ANO2: variants seen among roughly 807,000 people sequenced by gnomAD.
The protein encoded by ANO2 is anoctamin-2.
In ANO2, 101 loss-of-function variants were observed where a neutral mutation model predicts 124.2. The ratio of observed to expected loss-of-function variants is 0.81; its 90% CI spans 0.69 to 0.96. The LOEUF (loss-of-function observed/expected upper bound fraction) is 0.96, where lower values mean the gene tolerates loss of function less well. Ranked by LOEUF, ANO2 falls within the 40% of genes least tolerant of loss-of-function variation. ANO2 has a pLI of 0.00. For missense variants in ANO2, 1,293 were observed against 1,274.5 expected, an observed-to-expected ratio of 1.01 and a Z score of -0.22; for synonymous variants, 486 against 482.5, an observed-to-expected ratio of 1.01 and a Z score of -0.09.
intron 9 of ANO2, among the ~76,000 whole-genome samples, chr12:5,801,571 G>A (rs1953039329): frequency 6.6e-6 from 1 of 152,204 alleles, no homozygotes; most frequent in Admixed American, 6.5e-5. Context: ...ATATTAAAAT[G>A]GAAATGAGAA....
chr12:5,765,474 G>C (rs1281222525), intron 10 of ANO2, among the ~76,000 whole-genome samples: 4 of 152,154 alleles, frequency 2.6e-5, no homozygotes, highest in African/African-American at 7.2e-5. Flanking sequence ...TTGTCTATGA[G>C]ATATTAGTCG....
At chr12:5,841,307 G>C (rs1323594455) in intron 4 of ANO2, among the ~76,000 whole-genome samples, 1 of 152,166 alleles carries the variant, frequency 6.6e-6, no homozygotes, top group Non-Finnish European at 1.5e-5. Context: ...GAGAACAGGG[G>C]CTGCCCATTC....
At chr12:5,654,085 A>T (rs1947047297) in intron 14 of ANO2, among the ~76,000 whole-genome samples, 1 of 152,226 alleles carries the variant, frequency 6.6e-6, no homozygotes, top group Admixed American at 6.5e-5. Context: ...AAGGATCAAA[A>T]ATCAGAACAG....
rs138425485 is a variant in ANO2 at position 5,592,492 on chromosome 12, C to T, written c.2233+6992G>A. 1.5e-4 allele frequency among the ~76,000 whole-genome samples: 23 copies of T among 152,218 alleles called. No homozygotes were observed. The East Asian group carries it at 3.3e-3, about 22-fold the overall frequency. ...AGATAACCAGATACACACACGCGGG[C>T]CTGCAAGAAGATGCAAAACAAGAGC... On this transcript the variant is annotated intron_variant, in intron 20 of 24. Transcript: ENST00000682330.
intron 3 of ANO2, among the ~76,000 whole-genome samples, chr12:5,879,968 A>T (rs944495217): frequency 1.3e-5 from 2 of 152,204 alleles, no homozygotes; most frequent in Non-Finnish European, 2.9e-5. Context: ...GGGCAAATCT[A>T]GAAAGAAGTT....
At chr12:5,596,053 A>G (rs1943643670) in intron 20 of ANO2, among the ~76,000 whole-genome samples, 1 of 152,244 alleles carries the variant, frequency 6.6e-6, no homozygotes, top group African/African-American at 2.4e-5. Context: ...AATCACACCT[A>G]TGTGAATCTA....
intron 3 of ANO2, among the ~76,000 whole-genome samples, chr12:5,914,232 G>A (rs572541434): frequency 9.9e-5 from 15 of 151,716 alleles, no homozygotes; most frequent in African/African-American, 2.4e-4. Context: ...AAAGTGAGGC[G>A]ACATTCTGAT....
chr12:5,828,551 A>C (rs1222056426), intron 6 of ANO2, among the ~76,000 whole-genome samples: 1 of 152,102 alleles, frequency 6.6e-6, no homozygotes, highest in Middle Eastern at 3.2e-3. Flanking sequence ...CATATCATAC[A>C]CTTCCTTGAA....
At chr12:5,914,070 T>G (rs559237402) in intron 3 of ANO2, among the ~76,000 whole-genome samples, 3 of 151,992 alleles carry the variant, frequency 2.0e-5, no homozygotes, top group Non-Finnish European at 2.9e-5. Context: ...CATGGTGTTG[T>G]GCACCTGTAA....
chr12:5,763,024 T>C (rs2137109931), intron 10 of ANO2, among the ~76,000 whole-genome samples: 1 of 152,154 alleles, frequency 6.6e-6, no homozygotes, highest in East Asian at 1.9e-4. Flanking sequence ...ATTGTCACTC[T>C]GGTTAAATGA....
intron 16 of ANO2, among the ~76,000 whole-genome samples, chr12:5,615,570 G>A (rs774105990): frequency 9.2e-5 from 14 of 152,006 alleles, no homozygotes; most frequent in Admixed American, 3.9e-4. Flanking sequence ...GTTTCACACC[G>A]CCCTCCTCAA....
rs1350463662 is a variant in ANO2 at position 5,658,445 on chromosome 12, TCATCAA to T, written c.1546-10650_1546-10645del. Among the ~76,000 whole-genome samples the T allele has an allele frequency of 2.2e-5, 2 of 92,962 alleles. No homozygotes were observed. Among genetic ancestry groups the T allele is most frequent in the East Asian group, 2.3e-3 (1 of 430 alleles). 61.0% of individuals were successfully genotyped at this position (92,962 alleles called of 152,430 possible). On this transcript the variant is annotated intron_variant, in intron 14 of 24. Coordinates refer to ENST00000682330, the MANE Select transcript of ANO2 (RefSeq NM_001364791.2). The surrounding 1 kb of genome is among the most constrained non-coding windows in gnomAD (Gnocchi z 4.3). ...AACCATACCATCAAAATTAACATAA[TCATCAA>T]CATCATCATCATATCATCACTATCA...
chr12:5,882,509 C>T (rs1403270511), intron 3 of ANO2, among the ~76,000 whole-genome samples: 4 of 152,212 alleles, frequency 2.6e-5, no homozygotes, highest in African/African-American at 9.6e-5. Context: ...AGGGACAGAG[C>T]CAGCTTCAGG....
chr12:5,713,839 G>A (rs906237942), intron 14 of ANO2, among the ~76,000 whole-genome samples: 3 of 152,202 alleles, frequency 2.0e-5, no homozygotes, highest in African/African-American at 7.2e-5. Flanking sequence ...TGAGGGGAAC[G>A]AGTGTTCCCA....
At chr12:5,694,011 T>C (rs1003869407) in intron 14 of ANO2, among the ~76,000 whole-genome samples, 1 of 152,158 alleles carries the variant, frequency 6.6e-6, no homozygotes, top group Non-Finnish European at 1.5e-5. Flanking sequence ...TGTATCTTCT[T>C]ACTAGACTGC....
At chr12:5,697,234 C>T (rs1408584309) in intron 14 of ANO2, among the ~76,000 whole-genome samples, 1 of 152,038 alleles carries the variant, frequency 6.6e-6, no homozygotes, top group Non-Finnish European at 1.5e-5. Context: ...GAGATCAAGA[C>T]CATCCTGGCC....
At chr12:5,874,174 T>G (rs1044046332) in intron 3 of ANO2, among the ~76,000 whole-genome samples, 1 of 152,062 alleles carries the variant, frequency 6.6e-6, no homozygotes, top group African/African-American at 2.4e-5. Context: ...TACAGAAAAT[T>G]TACAAAAGAG....
At chr12:5,808,814 G>T (rs947732364) in intron 7 of ANO2, among the ~76,000 whole-genome samples, 2 of 152,034 alleles carry the variant, frequency 1.3e-5, no homozygotes, top group African/African-American at 4.8e-5. Flanking sequence ...TCAGAGACCC[G>T]CAGAGGATCT....
intron 14 of ANO2, among the ~76,000 whole-genome samples, chr12:5,656,748 T>A (rs1055672519): frequency 1.3e-5 from 2 of 152,240 alleles, no homozygotes; most frequent in African/African-American, 4.8e-5. Context: ...TATCAGGACC[T>A]CAGTTCTGAA....
Sources: allele counts gnomAD v4.1 joint callset (sites outside exome capture counted in the v4.1 genomes callset), GRCh38; gene constraint gnomAD v4.1.1; non-coding constraint Gnocchi (gnomAD v3.1); transcripts MANE v1.5; gene names NCBI Gene and HGNC (gene_info 2026-07-23, HGNC 2026-07-21).